Variants in MAGI2 observed in about 807,000 individuals in gnomAD.
MAGI2 encodes membrane-associated guanylate kinase, WW and PDZ domain-containing protein 2.
In MAGI2, 35 loss-of-function variants were observed where a neutral mutation model predicts 133.3. The observed-to-expected ratio is 0.26, with a 90% CI of 0.20 to 0.35. MAGI2 has a LOEUF of 0.35. MAGI2 is among the 10% of genes least tolerant of loss of function. The probability of loss-of-function intolerance (pLI) is 1.00; values close to 1 mark genes in which losing one functional copy is unlikely to be tolerated. For synonymous variants in MAGI2, 729 were observed against 710.6 expected, an observed-to-expected ratio of 1.03 and a Z score of -0.41; for missense variants, 1,636 against 1,863.4, an observed-to-expected ratio of 0.88 and a Z score of 2.25.
At chr7:78,390,005 A>G (rs1795753757) in intron 6 of MAGI2, among the ~76,000 whole-genome samples, 1 of 152,222 alleles carries the variant, frequency 6.6e-6, no homozygotes, top group Non-Finnish European at 1.5e-5. Flanking sequence ...TTACAAAATC[A>G]TGAATGAAAT....
At chr7:78,215,777 T>A (rs1169253919) in intron 10 of MAGI2, among the ~76,000 whole-genome samples, 3 of 152,170 alleles carry the variant, frequency 2.0e-5, no homozygotes, top group Non-Finnish European at 4.4e-5. Context: ...GAGGCTAATT[T>A]TTATTAATGA....
At chr7:78,957,017 A>G (rs1202317758) in intron 2 of MAGI2, among the ~76,000 whole-genome samples, 1 of 152,104 alleles carries the variant, frequency 6.6e-6, no homozygotes, top group Non-Finnish European at 1.5e-5. Flanking sequence ...TAATCCCAGC[A>G]CTTTGGGAGG....
At chr7:78,717,662 C>T (rs1819853703) in intron 2 of MAGI2, among the ~76,000 whole-genome samples, 1 of 152,114 alleles carries the variant, frequency 6.6e-6, no homozygotes, top group Non-Finnish European at 1.5e-5. Context: ...AACTATATGT[C>T]AAGCTCCAAA....
chr7:78,023,969 G>A (rs1415698751), intron 21 of MAGI2, among the ~76,000 whole-genome samples: 1 of 152,204 alleles, frequency 6.6e-6, no homozygotes, highest in African/African-American at 2.4e-5. Flanking sequence ...TATTTGGGAG[G>A]ATGTATGTAG....
chr7:78,336,372 C>A (rs1464892239), intron 9 of MAGI2, among the ~76,000 whole-genome samples: 1 of 152,152 alleles, frequency 6.6e-6, no homozygotes, highest in Non-Finnish European at 1.5e-5. Context: ...GAGGTAGCGA[C>A]CACTGAAAGA....
chr7:78,760,624 C>A (rs1824413652), intron 2 of MAGI2, among the ~76,000 whole-genome samples: 1 of 152,082 alleles, frequency 6.6e-6, no homozygotes, highest in African/African-American at 2.4e-5. Context: ...CCTTCCTTGA[C>A]AATCTTATGG....
chr7:78,134,900 C>T, intron 17 of MAGI2, 121 bp downstream of exon 17: 1 of 798,394 alleles, frequency 1.3e-6, no homozygotes, highest in South Asian at 1.7e-5. Flanking sequence ...ACCTCTGACA[C>T]TCTGACACCA....
chr7:78,075,633 C>T (rs1815209502), intron 21 of MAGI2, among the ~76,000 whole-genome samples: 2 of 152,136 alleles, frequency 1.3e-5, no homozygotes, highest in Non-Finnish European at 2.9e-5. Flanking sequence ...ACCTCGGCCT[C>T]CCAAAATGCT....
chr7:78,990,802 G>A (rs1805685539), intron 2 of MAGI2, among the ~76,000 whole-genome samples: 1 of 151,772 alleles, frequency 6.6e-6, no homozygotes, highest in Admixed American at 6.6e-5. Flanking sequence ...CCACCTATAT[G>A]TAACCTTGAA....
intron 6 of MAGI2, among the ~76,000 whole-genome samples, chr7:78,444,369 G>T (rs1450557598): frequency 1.3e-5 from 2 of 151,966 alleles, no homozygotes; most frequent in African/African-American, 2.4e-5. Flanking sequence ...TCCATCAGTA[G>T]GTCCCTCACA....
intron 3 of MAGI2, among the ~76,000 whole-genome samples, chr7:78,578,636 G>A (rs1487862341): frequency 2.0e-5 from 3 of 152,192 alleles, no homozygotes; most frequent in African/African-American, 7.2e-5. Flanking sequence ...CAAAAAGGAA[G>A]GGAAAGAGAA....
Position 78,019,836 on chromosome 7 carries a change from C to T in MAGI2, c.3847G>A (p.Gly1283Ser). The T allele has an allele frequency of 4.3e-6, 7 of 1,613,594 alleles. 1 individual carries two copies. In the South Asian group the frequency reaches 5.5e-5, roughly 13 times the overall value. ...TCCCGTTTGATATCCCAAGTTGGGC[C>T]TGGGCTTATCTGGTGGGAAGGGTCG... ...PSDPSHQISP[G>S]PTWDIKREHD... The change falls in exon 22 of 22, where the codon GGC (glycine) becomes AGC (serine). Residue 1283 changes from glycine to serine, a missense_variant. Physicochemically the swap from Gly to Ser is moderately conservative, Grantham distance 56. Coordinates refer to ENST00000354212, the MANE Select transcript of MAGI2 (RefSeq NM_012301.4).
chr7:78,868,408 G>A (rs547544803), intron 2 of MAGI2, among the ~76,000 whole-genome samples: 5 of 152,134 alleles, frequency 3.3e-5, no homozygotes, highest in Non-Finnish European at 5.9e-5. Flanking sequence ...GAAGAGCAAG[G>A]TCTTCAACTT....
intron 10 of MAGI2, among the ~76,000 whole-genome samples, chr7:78,239,770 G>C (rs1790937911): frequency 6.6e-6 from 1 of 152,202 alleles, no homozygotes; most frequent in Non-Finnish European, 1.5e-5. Flanking sequence ...GTGTTGGAGA[G>C]GATGTGGAGA....
At chr7:78,058,108 T>C (rs1287594731) in intron 21 of MAGI2, among the ~76,000 whole-genome samples, 1 of 151,482 alleles carries the variant, frequency 6.6e-6, no homozygotes, top group Non-Finnish European at 1.5e-5. Flanking sequence ...ACCCAACTCC[T>C]TTTTTTGAAG....
At chr7:78,939,485 A>G (rs565629773) in intron 2 of MAGI2, among the ~76,000 whole-genome samples, 1 of 152,336 alleles carries the variant, frequency 6.6e-6, no homozygotes, top group East Asian at 1.9e-4. Context: ...AAAAGGCTAC[A>G]TAGAAGAAAG....
At chr7:78,261,300 T>C (rs1382555912) in intron 9 of MAGI2, among the ~76,000 whole-genome samples, 2 of 152,272 alleles carry the variant, frequency 1.3e-5, no homozygotes, top group African/African-American at 4.8e-5. Context: ...TAAATTCTGC[T>C]ATCCCTTTAC....
At chr7:78,479,324 G>T (rs2150451474) in intron 6 of MAGI2, among the ~76,000 whole-genome samples, 1 of 151,918 alleles carries the variant, frequency 6.6e-6, no homozygotes, top group East Asian at 1.9e-4. Context: ...TTATCAATTG[G>T]TACCAAAATC....
chr7:78,115,337 T>C (rs1478286134), intron 20 of MAGI2, among the ~76,000 whole-genome samples: 2 of 151,978 alleles, frequency 1.3e-5, no homozygotes, highest in Non-Finnish European at 2.9e-5. Context: ...GTGAAACTAA[T>C]AGGAAAAGAA....
Sources: allele counts gnomAD v4.1 joint callset (sites outside exome capture counted in the v4.1 genomes callset), GRCh38; gene constraint gnomAD v4.1.1; transcripts MANE v1.5; gene names NCBI Gene and HGNC (gene_info 2026-07-23, HGNC 2026-07-21).